Variants in SSH2 observed in about 807,000 individuals in gnomAD.
SSH2 encodes the protein slingshot protein phosphatase 2, also known as protein phosphatase Slingshot homolog 2.
In SSH2, 37 loss-of-function variants were observed where a neutral mutation model predicts 135.2. The ratio of observed to expected loss-of-function variants is 0.27; its 90% CI spans 0.21 to 0.36. The LOEUF is 0.36. Among genes scored for constraint, SSH2 ranks in the 10% least tolerant of loss-of-function variants. The pLI is 1.00. For synonymous variants in SSH2, 628 were observed against 646.2 expected, an observed-to-expected ratio of 0.97 and a Z score of 0.43; for missense variants, 1,408 against 1,765.3, an observed-to-expected ratio of 0.80 and a Z score of 3.63.
At position 29,636,763 on chromosome 17, in the gene SSH2, A is replaced by G. The variant is rs1165471715; in HGVS notation, c.1467T>C (p.Asp489=). 48 of 1,613,550 alleles carry G rather than the reference A, an allele frequency of 3.0e-5. No homozygotes were observed. Among genetic ancestry groups the G allele is most frequent in the Non-Finnish European group, 4.0e-5 (47 of 1,179,710 alleles). The change falls in exon 15 of 16, where the codon GAT becomes GAC. Residue 489 remains aspartate, a synonymous_variant. Transcript: ENST00000540801. ...GTTCGTGGTGGTCTGAGAGGTCACTATCTGAATGAGATCTCCATAGTTTGT... is the reference window on the plus strand; with the variant it reads ...GTTCGTGGTGGTCTGAGAGGTCACTGTCTGAATGAGATCTCCATAGTTTGT... ...RHNKLWRSHS[D]SDLSDHHEPI... is the part of the protein sequence containing the mutation.
chr17:29,703,725 C>T lies in SSH2; in HGVS notation c.189-663G>A, dbSNP rs141237689. On this transcript the variant is annotated intron_variant, in intron 3 of 15. Transcript: ENST00000540801. ...TCCTGAGTAGCTGGGATTACAGGAG[C>T]GAGCCACCACGACCAGCTAATTTTT... Among the ~76,000 whole-genome samples the T allele has an allele frequency of 2.4e-3, 370 of 152,092 alleles. 2 individuals carry two copies. The highest frequency in any genetic ancestry group is 6.8e-3 in the Middle Eastern group (2 of 294).
At chr17:29,778,275 A>G (rs1177413111) in intron 3 of SSH2, among the ~76,000 whole-genome samples, 1 of 152,204 alleles carries the variant, frequency 6.6e-6, no homozygotes, top group African/African-American at 2.4e-5. Context: ...TGAGAGAGAA[A>G]GTCCAGCTGA....
In SSH2 at chr17:29,828,381, C is replaced by A. The variant is rs144747840; in HGVS notation, c.144+20468G>T. On this transcript the variant is annotated intron_variant, in intron 2 of 15. Coordinates refer to ENST00000540801, the MANE Select transcript of SSH2 (RefSeq NM_001282129.2). ...CTACTGTGAACTTTTAGAATAGATT[C>A]CCAACCACTCAAAACTCCCTAGGAC... Among the ~76,000 whole-genome samples, 139 of 152,240 alleles carry A rather than the reference C, an allele frequency of 9.1e-4. 1 individual carries two copies. The highest frequency in any genetic ancestry group is 3.2e-3 in the African/African-American group (133 of 41,552).
chr17:29,826,446 A>C (rs1460842622), intron 2 of SSH2, among the ~76,000 whole-genome samples: 2 of 152,218 alleles, frequency 1.3e-5, no homozygotes, highest in Non-Finnish European at 2.9e-5. Flanking sequence ...ATAGATAAGG[A>C]TATTGTATTA....
chr17:29,737,943 A>G (rs552964998), intron 3 of SSH2, among the ~76,000 whole-genome samples: 2 of 151,690 alleles, frequency 1.3e-5, no homozygotes, highest in East Asian at 3.9e-4. Flanking sequence ...TTATTTATTT[A>G]TATTATACTT....
chr17:29,809,750 G>A (rs1288169936), intron 2 of SSH2, among the ~76,000 whole-genome samples: 1 of 151,926 alleles, frequency 6.6e-6, no homozygotes, highest in Non-Finnish European at 1.5e-5. Context: ...TAGAGACAGG[G>A]TCTCGCTTGG....
intron 2 of SSH2, among the ~76,000 whole-genome samples, chr17:29,804,387 T>G (rs986728220): frequency 1.3e-5 from 2 of 152,210 alleles, no homozygotes; most frequent in African/African-American, 4.8e-5. Flanking sequence ...CGAGCTTGAT[T>G]AGAATTTTGC....
intron 11 of SSH2, among the ~76,000 whole-genome samples, chr17:29,665,135 T>C (rs1240769582): frequency 6.6e-6 from 1 of 152,180 alleles, no homozygotes; most frequent in Non-Finnish European, 1.5e-5. Context: ...AAGTTTTCTA[T>C]AGATAACACA....
intron 2 of SSH2, among the ~76,000 whole-genome samples, chr17:29,836,284 T>TA (rs2042942977): frequency 6.6e-6 from 1 of 152,202 alleles, no homozygotes; most frequent in South Asian, 2.1e-4. Flanking sequence ...ATCCTTTATC[T>TA]AAATGATAAA....
intron 15 of SSH2, among the ~76,000 whole-genome samples, chr17:29,633,273 G>A (rs891443888): frequency 1.1e-4 from 17 of 152,148 alleles, no homozygotes; most frequent in African/African-American, 4.1e-4. Flanking sequence ...AAGACTATGA[G>A]CCTCCAGGTT....
chr17:29,836,541 A>G (rs2042946764), intron 2 of SSH2, among the ~76,000 whole-genome samples: 1 of 152,224 alleles, frequency 6.6e-6, no homozygotes, highest in Non-Finnish European at 1.5e-5. Flanking sequence ...CTTCTAGAAC[A>G]GGGATAAATA....
chr17:29,840,282 T>C (rs2151377984), intron 2 of SSH2, among the ~76,000 whole-genome samples: 1 of 152,324 alleles, frequency 6.6e-6, no homozygotes, highest in African/African-American at 2.4e-5. Flanking sequence ...TCACTGCCAC[T>C]TTCTGCATTC....
intron 2 of SSH2, among the ~76,000 whole-genome samples, chr17:29,826,056 T>C (rs2042737437): frequency 6.6e-6 from 1 of 152,200 alleles, no homozygotes; most frequent in Admixed American, 6.5e-5. Context: ...CTGAAGTGTT[T>C]AGAAAAATTT....
chr17:29,750,614 C>T (rs924769583), intron 3 of SSH2, among the ~76,000 whole-genome samples: 1 of 151,606 alleles, frequency 6.6e-6, no homozygotes, highest in Admixed American at 6.6e-5. Flanking sequence ...CCTCAAACTC[C>T]TGGGTTCAAG....
At chr17:29,724,286 C>T (rs2729454) in intron 3 of SSH2, among the ~76,000 whole-genome samples, 2 of 152,008 alleles carry the variant, frequency 1.3e-5, no homozygotes, top group Admixed American at 6.6e-5. Context: ...CCCAGCACTT[C>T]GGGAGGCCGA....
At chr17:29,797,119 T>G (rs547167611) in intron 2 of SSH2, among the ~76,000 whole-genome samples, 1 of 135,044 alleles carries the variant, frequency 7.4e-6, no homozygotes, top group African/African-American at 2.7e-5. Flanking sequence ...CCACCACACC[T>G]GGCCAGTTTT....
intron 11 of SSH2, among the ~76,000 whole-genome samples, chr17:29,665,266 T>C (rs1283740086): frequency 1.3e-5 from 2 of 152,182 alleles, no homozygotes; most frequent in Admixed American, 6.5e-5. Context: ...TGCAGTATGA[T>C]CTACAACCAG....
chr17:29,821,718 C>G (rs1426404019), intron 2 of SSH2, among the ~76,000 whole-genome samples: 1 of 151,228 alleles, frequency 6.6e-6, no homozygotes, highest in African/African-American at 2.4e-5. Context: ...GATCTCGGCT[C>G]ACTGCAACCT....
chr17:29,826,906 T>C (rs935028670), intron 2 of SSH2, among the ~76,000 whole-genome samples: 5 of 152,106 alleles, frequency 3.3e-5, no homozygotes, highest in African/African-American at 1.2e-4. Flanking sequence ...TGGAGTAAAG[T>C]AGACACAGTT....
Sources: gnomAD v4.1 joint callset for allele counts (sites outside exome capture counted in the v4.1 genomes callset) on GRCh38, gnomAD v4.1.1 for gene constraint, MANE v1.5 for transcripts, NCBI Gene and HGNC (gene_info 2026-07-23, HGNC 2026-07-21) for gene names.